The following CLBA1 variants were observed in gnomAD, a reference collection of about 807,000 sequenced individuals.
CLBA1 encodes the protein uncharacterized protein CLBA1.
In CLBA1, 30 loss-of-function variants were observed where a neutral mutation model predicts 28.8. That is an observed-to-expected ratio of 1.04 (90% confidence interval 0.78 to 1.41). CLBA1 has a LOEUF of 1.41. Ranked by LOEUF, CLBA1 falls within the 40% of genes most tolerant of loss-of-function variation. The probability of loss-of-function intolerance (pLI) is 0.00; values close to 1 mark genes in which losing one functional copy is unlikely to be tolerated. For missense variants in CLBA1, 451 were observed against 412.3 expected (o/e 1.09, Z -0.81); for synonymous variants, 160 against 152.8 (o/e 1.05, Z -0.35).
Position 104,985,858 on chromosome 14 carries a change from C to A in CLBA1, c.-574C>A. 7.2e-6 allele frequency: 2 copies of A among 276,542 alleles called. No homozygotes were observed. Among genetic ancestry groups the A allele is most frequent in the Admixed American group, 4.8e-5 (1 of 20,680 alleles). 17.1% of individuals were successfully genotyped at this position (276,542 alleles called of 1,614,324 possible). A position where few individuals can be genotyped will look rare whatever the true frequency, so the allele number is the denominator to read the frequency against. On this transcript the variant is annotated 5_prime_UTR_variant, in exon 1 of 5. Coordinates refer to ENST00000547315, the MANE Select transcript of CLBA1 (RefSeq NM_174891.4). ...TTCTCTCGCCCTGGTCCCGCGCGGC[C>A]CCGCCGAGGCGGCGACCAAGGTGGG...
rs1421846312 is a variant in CLBA1, at chr14:104,986,576, G to T, written c.145G>T (p.Asp49Tyr). ...RRTCPDLLLSDGKASISMPRE... is the reference protein window; with the variant it reads ...RRTCPDLLLSYGKASISMPRE... ...GACCTGCCCCGACCTTCTCCTGTCC[G>T]ATGGGAAAGCCAGCATCTCCATGCC... The change falls in exon 1 of 5, where the codon GAT becomes TAT. Residue 49 changes from aspartate to tyrosine, a missense_variant. By Grantham distance (160) the Asp-to-Tyr change is radical. Coordinates refer to ENST00000547315, the MANE Select transcript of CLBA1 (RefSeq NM_174891.4). 3.1e-6 allele frequency: 5 copies of T among 1,613,910 alleles called. No individual in the cohort carries two copies. Among genetic ancestry groups the T allele is most frequent in the Non-Finnish European group, 4.2e-6 (5 of 1,180,018 alleles).
intron 4 of CLBA1, chr14:104,993,779 G>T: frequency 1.0e-6 from 1 of 985,464 alleles, no homozygotes; most frequent in South Asian, 4.7e-5. Flanking sequence ...AACAGTCGGG[G>T]CTCATTGTGT....
chr14:104,994,965 G>C lies in CLBA1; in HGVS notation c.*206G>C. The C allele has an allele frequency of 1.6e-6, 2 of 1,247,414 alleles. No homozygotes were observed. 77.3% of individuals were successfully genotyped at this position (1,247,414 alleles called of 1,614,324 possible). A position where few individuals can be genotyped will look rare whatever the true frequency, so the allele number is the denominator to read the frequency against. On this transcript the variant is annotated 3_prime_UTR_variant, in exon 5 of 5. Transcript: ENST00000547315. ...TGTGTCCTTGGCAGAGCCAAGGGGA[G>C]ACAGAGGTTTCTGGATGCCATGACA... is the stretch of plus-strand genomic sequence containing the variant.
intron 2 of CLBA1, chr14:104,991,108 T>C: frequency 4.8e-6 from 1 of 210,340 alleles, no homozygotes; most frequent in Admixed American, 5.3e-5. Context: ...CCCTGCAACC[T>C]CCGCCTCCCG....
rs539242877 is a variant in CLBA1 at position 104,988,187 on chromosome 14, G to T, written c.424-756G>T. Among the ~76,000 whole-genome samples the T allele has an allele frequency of 7.2e-5, 11 of 152,208 alleles. No individual in the cohort carries two copies. In the East Asian group the frequency reaches 1.4e-3, roughly 19 times the overall value. ...CGTACACCCTCACACAGCGCTTAGT[G>T]CCCCAATGTAGCACACCTGTCAACA... On this transcript the variant is annotated intron_variant, in intron 1 of 4. Transcript: ENST00000547315.
Position 104,995,186 on chromosome 14 carries a change from G to A in CLBA1, c.*427G>A. 2 of 988,354 alleles carry A rather than the reference G, an allele frequency of 2.0e-6. No homozygotes were observed. Among genetic ancestry groups the A allele is most frequent in the Non-Finnish European group, 2.4e-6 (2 of 832,082 alleles). The allele number at this position is 988,354 out of a possible 1,614,324, so 61.2% of individuals were successfully genotyped here. A position where few individuals can be genotyped will look rare whatever the true frequency, so the allele number is the denominator to read the frequency against. On this transcript the variant is annotated 3_prime_UTR_variant, in exon 5 of 5. Coordinates refer to ENST00000547315, the MANE Select transcript of CLBA1 (RefSeq NM_174891.4). ...CTGAAACGTCACCAGAGAGACAGCT[G>A]TTGAGACCGCTCAGAAACCCTCTGT...
intron 2 of CLBA1, 79 bp from the exon 3 acceptor site, chr14:104,991,412 T>C (rs1010502651): frequency 6.3e-7 from 1 of 1,577,538 alleles, no homozygotes; most frequent in Non-Finnish European, 8.6e-7. Context: ...GGCGCCCCGC[T>C]GCGTGCCTCG....
intron 3 of CLBA1, among the ~76,000 whole-genome samples, chr14:104,992,128 C>CGCACACGCCGCCAT (rs1250254932): frequency 1.0e-4 from 15 of 148,236 alleles, no homozygotes; most frequent in African/African-American, 3.3e-4. Flanking sequence ...CACGCCACCA[C>CGCACACGCCGCCAT]GCACACGCCG....
intron 3 of CLBA1, among the ~76,000 whole-genome samples, chr14:104,992,233 G>A (rs1821631670): frequency 6.6e-6 from 1 of 150,856 alleles, no homozygotes. Flanking sequence ...CCACGCACAC[G>A]CCACCAAGCA....
downstream of CLBA1, among the ~76,000 whole-genome samples, chr14:104,996,979 C>T (rs1275948235): frequency 6.6e-6 from 1 of 152,226 alleles, no homozygotes; most frequent in Non-Finnish European, 1.5e-5. Context: ...TTTATATGAA[C>T]TGTCTAGCCT....
At chr14:104,992,426 A>C (rs1289615857) in intron 3 of CLBA1, among the ~76,000 whole-genome samples, 1 of 152,276 alleles carries the variant, frequency 6.6e-6, no homozygotes, top group African/African-American at 2.4e-5. Context: ...TGGAAAACTC[A>C]AAAAGGGCCA....
downstream of CLBA1, among the ~76,000 whole-genome samples, chr14:104,998,890 C>T (rs140557709): frequency 5.9e-3 from 898 of 152,352 alleles, 3 homozygotes; most frequent in Admixed American, 0.015. Flanking sequence ...CCATGCTGGG[C>T]TCCTGTGCCA....
intron 2 of CLBA1, chr14:104,990,871 C>T (rs1900000246): frequency 6.5e-6 from 1 of 153,868 alleles, no homozygotes; most frequent in Non-Finnish European, 1.4e-5. Context: ...GGCAGTAAGT[C>T]AGCTACTCCA....
chr14:104,989,516 G>C (rs1899959359), intron 2 of CLBA1: 3 of 451,430 alleles, frequency 6.6e-6, no homozygotes. Context: ...CCACACTCTG[G>C]AGCCCCATTG....
chr14:104,997,699 A>ATTCT (rs1900179521), downstream of CLBA1, among the ~76,000 whole-genome samples: 1 of 152,194 alleles, frequency 6.6e-6, no homozygotes, highest in Non-Finnish European at 1.5e-5. Flanking sequence ...GTCAACTTAG[A>ATTCT]AGTTCACATA....
chr14:105,000,821 T>G (rs1347434958), intron 2 of CLBA1, among the ~76,000 whole-genome samples: 1 of 152,006 alleles, frequency 6.6e-6, no homozygotes. Context: ...GTACCGCCGC[T>G]ATGGAAAACA....
chr14:104,997,507 C>A (rs1278206731), downstream of CLBA1, among the ~76,000 whole-genome samples: 2 of 152,190 alleles, frequency 1.3e-5, no homozygotes, highest in Non-Finnish European at 2.9e-5. Context: ...ATCCAAGAAT[C>A]TCTGTAACTG....
intron 2 of CLBA1, 181 bp downstream of exon 2, chr14:104,989,269 G>A (rs935019636): frequency 9.9e-6 from 6 of 606,872 alleles, no homozygotes; most frequent in Admixed American, 3.0e-5. Flanking sequence ...TCCAGCTGTG[G>A]CCTTCCACTC....
Position 104,994,712 on chromosome 14 carries a change from A to ACTCC in CLBA1, c.932_935dup (p.Arg313SerfsTer10). ...CACTATTCCAAGGAAAAGGATGTTCACTCCACGCAAGCTCAAACTGACACT... is the reference window on the plus strand; with the variant it reads ...CACTATTCCAAGGAAAAGGATGTTCACTCCCTCCACGCAAGCTCAAACTGACACT... On this transcript the variant is annotated frameshift_variant, in exon 5 of 5. Transcript: ENST00000547315. LOFTEE classifies it high-confidence loss of function. 1.2e-6 allele frequency: 2 copies of ACTCC among 1,613,552 alleles called. No individual in the cohort carries two copies. The highest frequency in any genetic ancestry group is 2.2e-5 in the South Asian group (2 of 91,056).
Sources: allele counts gnomAD v4.1 joint callset (sites outside exome capture counted in the v4.1 genomes callset), GRCh38; gene constraint gnomAD v4.1.1; transcripts MANE v1.5; gene names NCBI Gene and HGNC (gene_info 2026-07-23, HGNC 2026-07-21).